Variants in CSNK2A2IP observed in about 807,000 individuals in gnomAD.
CSNK2A2IP encodes casein kinase 2 subunit alpha' interacting protein, also known as casein kinase II subunit alpha'-interacting protein.
the CSNK2A2IP span, among the ~76,000 whole-genome samples, chr3:88,430,298 A>G: frequency 6.6e-6 from 1 of 152,166 alleles, no homozygotes. Context: ...CTTGTTCTAT[A>G]GATGGAATAT....
the CSNK2A2IP span, among the ~76,000 whole-genome samples, chr3:88,418,471 G>A: frequency 1.3e-5 from 1 of 75,036 alleles, no homozygotes; most frequent in Non-Finnish European, 2.9e-5. Context: ...TGTGCGCGCG[G>A]GCGTGTGTTC....
At chr3:88,386,446 A>C in the CSNK2A2IP span, among the ~76,000 whole-genome samples, 1 of 152,204 alleles carries the variant, frequency 6.6e-6, no homozygotes, top group African/African-American at 2.4e-5. Flanking sequence ...ATTTCTCATA[A>C]AGAAACCACG....
At chr3:88,366,321 A>T in the CSNK2A2IP span, among the ~76,000 whole-genome samples, 3 of 152,146 alleles carry the variant, frequency 2.0e-5, no homozygotes, top group African/African-American at 7.2e-5. Flanking sequence ...GCTAAGCCAC[A>T]GTTGTATATG....
the CSNK2A2IP span, among the ~76,000 whole-genome samples, chr3:88,358,180 T>A: frequency 7.9e-5 from 12 of 152,228 alleles, no homozygotes; most frequent in Non-Finnish European, 1.2e-4. Flanking sequence ...TTTTGTATGT[T>A]GACTTTGTAT....
chr3:88,452,114 C>G, the CSNK2A2IP span, among the ~76,000 whole-genome samples: 1 of 151,838 alleles, frequency 6.6e-6, no homozygotes, highest in East Asian at 1.9e-4. Flanking sequence ...TGTTTCATAC[C>G]ATGTCAGGTT....
At chr3:88,409,900 G>A in the CSNK2A2IP span, among the ~76,000 whole-genome samples, 4 of 152,080 alleles carry the variant, frequency 2.6e-5, no homozygotes, top group South Asian at 6.2e-4. Flanking sequence ...AGTTATGAAA[G>A]CAATGATAGT....
the CSNK2A2IP span, among the ~76,000 whole-genome samples, chr3:88,400,515 A>AT: frequency 1.8e-4 from 27 of 152,168 alleles, no homozygotes; most frequent in Non-Finnish European, 3.4e-4. Context: ...TTGAGATAAG[A>AT]TTATCATGGA....
the CSNK2A2IP span, among the ~76,000 whole-genome samples, chr3:88,426,960 C>A: frequency 6.6e-6 from 1 of 151,548 alleles, no homozygotes; most frequent in East Asian, 1.9e-4. Context: ...AACTGGGTAA[C>A]AGGCAGAGAT....
the CSNK2A2IP span, among the ~76,000 whole-genome samples, chr3:88,358,663 C>A: frequency 6.6e-6 from 1 of 152,046 alleles, no homozygotes; most frequent in African/African-American, 2.4e-5. Context: ...CATGTTGAAC[C>A]ATCCTTGCAT....
At chr3:88,412,705 G>T in the CSNK2A2IP span, among the ~76,000 whole-genome samples, 1 of 151,968 alleles carries the variant, frequency 6.6e-6, no homozygotes, top group Non-Finnish European at 1.5e-5. Flanking sequence ...CACACACCTA[G>T]ATGGCAGAGC....
the CSNK2A2IP span, among the ~76,000 whole-genome samples, chr3:88,392,032 C>T: frequency 6.6e-6 from 1 of 152,100 alleles, no homozygotes; most frequent in Non-Finnish European, 1.5e-5. Context: ...GAACCAAGAA[C>T]TTTAGGATGT....
the CSNK2A2IP span, among the ~76,000 whole-genome samples, chr3:88,408,401 G>T: frequency 6.6e-6 from 1 of 152,016 alleles, no homozygotes; most frequent in Non-Finnish European, 1.5e-5. Context: ...TAGACTTTTT[G>T]TTATGGAGAT....
the CSNK2A2IP span, among the ~76,000 whole-genome samples, chr3:88,340,091 A>G: frequency 3.3e-5 from 5 of 151,992 alleles, no homozygotes; most frequent in Non-Finnish European, 7.4e-5. Context: ...ACCAAGAAAG[A>G]GCTTGGGTTT....
At chr3:88,345,261 G>A in the CSNK2A2IP span, among the ~76,000 whole-genome samples, 7 of 152,000 alleles carry the variant, frequency 4.6e-5, no homozygotes, top group Admixed American at 2.0e-4. Flanking sequence ...AGGGATATTT[G>A]TGTACGTGGC....
At chr3:88,441,912 A>C in the CSNK2A2IP span, among the ~76,000 whole-genome samples, 3 of 152,150 alleles carry the variant, frequency 2.0e-5, no homozygotes, top group Non-Finnish European at 4.4e-5. Flanking sequence ...TATGATAGAG[A>C]TCTGGTGAAA....
the CSNK2A2IP span, among the ~76,000 whole-genome samples, chr3:88,404,622 C>T: frequency 6.7e-6 from 1 of 149,358 alleles, no homozygotes; most frequent in South Asian, 2.2e-4. Context: ...AGAAACACGA[C>T]TTTATAACCT....
chr3:88,351,506 T>C, the CSNK2A2IP span, among the ~76,000 whole-genome samples: 1 of 152,080 alleles, frequency 6.6e-6, no homozygotes, highest in African/African-American at 2.4e-5. Flanking sequence ...CCCATCCCAC[T>C]ATCTAGTGAT....
At chr3:88,359,621 C>T in the CSNK2A2IP span, among the ~76,000 whole-genome samples, 241 of 152,010 alleles carry the variant, frequency 1.6e-3, no homozygotes, top group Non-Finnish European at 3.0e-3. Flanking sequence ...ATTTAAAGAC[C>T]CAATGGTCAT....
chr3:88,411,200 G>C, the CSNK2A2IP span, among the ~76,000 whole-genome samples: 1 of 151,974 alleles, frequency 6.6e-6, no homozygotes, highest in East Asian at 1.9e-4. Context: ...GCATTTTCAA[G>C]GTATAGTTGT....
Sources: gnomAD v4.1 joint callset for allele counts (sites outside exome capture counted in the v4.1 genomes callset) on GRCh38, gnomAD v4.1.1 for gene constraint, MANE v1.5 for transcripts, NCBI Gene and HGNC (gene_info 2026-07-23, HGNC 2026-07-21) for gene names.